Variants in ACLY observed in about 807,000 individuals in gnomAD.
ACLY encodes ATP-citrate synthase.
In ACLY, 41 loss-of-function variants were observed where a neutral mutation model predicts 133.0. The ratio of observed to expected loss-of-function variants is 0.31; its 90% CI spans 0.24 to 0.40. ACLY has a LOEUF of 0.40. ACLY is among the 10% of genes least tolerant of loss of function. The probability of loss-of-function intolerance (pLI) is 1.00; values close to 1 mark genes in which losing one functional copy is unlikely to be tolerated. For missense variants in ACLY, 1,046 were observed against 1,453.8 expected (o/e 0.72, Z 4.56); for synonymous variants, 495 against 549.3 (o/e 0.90, Z 1.38).
At chr17:41,890,146 G>A (rs2049165040) in intron 16 of ACLY, among the ~76,000 whole-genome samples, 2 of 152,202 alleles carry the variant, frequency 1.3e-5, no homozygotes, top group Non-Finnish European at 2.9e-5. Context: ...GAAGAAAGCA[G>A]ATTATATGAG....
chr17:41,919,273 G>A (rs1322859724), upstream of ACLY, among the ~76,000 whole-genome samples: 1 of 151,970 alleles, frequency 6.6e-6, no homozygotes, highest in African/African-American at 2.4e-5. Flanking sequence ...CTGATCGCTT[G>A]AGGGGCTGGA....
rs782561727 is a variant in ACLY, at chr17:41,892,292, A to G, written c.1757T>C (p.Met586Thr). 2.1e-5 allele frequency: 29 copies of G among 1,383,610 alleles called. 2 individuals carry two copies. The South Asian group carries it at 3.4e-4, about 16-fold the overall frequency. The allele number at this position is 1,383,610 out of a possible 1,614,324, so 85.7% of individuals were successfully genotyped here. The part of the protein sequence containing the change: ...RSAYDSTMET[M>T]NYAQIRTIAI... Reference sequence around the variant, plus strand: ...CCAGTGATCTACCTGGGCATAGTTCATGGTCTCCATGGTGCTGTCATAGGC... The same window carrying G: ...CCAGTGATCTACCTGGGCATAGTTCGTGGTCTCCATGGTGCTGTCATAGGC... The change falls in exon 16 of 29, where the codon ATG (methionine) becomes ACG (threonine). Residue 586 changes from methionine (M) to threonine (T), a missense_variant. By Grantham distance (81) the Met-to-Thr change is moderately conservative. Coordinates refer to ENST00000352035, the MANE Select transcript of ACLY (RefSeq NM_001096.3).
intron 14 of ACLY, among the ~76,000 whole-genome samples, chr17:41,894,447 G>GC (rs1254617738): frequency 3.3e-5 from 5 of 150,364 alleles, no homozygotes; most frequent in African/African-American, 1.2e-4. Flanking sequence ...CTCTAGGTGG[G>GC]CATAGTGGTG....
Position 41,901,613 on chromosome 17 carries a change from A to G in ACLY, c.1183+83T>C, listed in dbSNP as rs2049543243. ...GGAGTAGAGAGCAAAAGAGCCTAAG[A>G]CTGATGCTCAGGAATCAGAAATCCC... On this transcript the variant is annotated intron_variant, in intron 11 of 28. Transcript: ENST00000352035. 4.2e-6 allele frequency: 5 copies of G among 1,191,660 alleles called. No homozygotes were observed. In the East Asian group the frequency reaches 1.2e-4, roughly 28 times the overall value. The allele number at this position is 1,191,660 out of a possible 1,614,324, so 73.8% of individuals were successfully genotyped here.
At position 41,909,583 on chromosome 17, in the gene ACLY, C is replaced by T. The variant is rs1334809355; in HGVS notation, c.463G>A (p.Gly155Ser). Residue 155 changes from glycine (G) to serine (S), a missense_variant, in exon 5 of 29, where the codon GGC (glycine) becomes AGC (serine). Coordinates refer to ENST00000352035, the MANE Select transcript of ACLY (RefSeq NM_001096.3). ...VDAKAQKLLV[G>S]VDEKLNPEDI... Reference sequence around the variant, plus strand: ...TCAGGATTCAGTTTCTCATCCACGCCAACAAGCAGCTTCTGGGCCTTGGCG... The same window carrying T: ...TCAGGATTCAGTTTCTCATCCACGCTAACAAGCAGCTTCTGGGCCTTGGCG... 1.2e-6 allele frequency: 2 copies of T among 1,614,072 alleles called. No homozygotes were observed. The highest frequency in any genetic ancestry group is 1.7e-6 in the Non-Finnish European group (2 of 1,180,052).
At chr17:41,921,738 G>C (rs1260410009), upstream of ACLY, among the ~76,000 whole-genome samples, 1 of 151,978 alleles carries the variant, frequency 6.6e-6, no homozygotes, top group East Asian at 1.9e-4. Flanking sequence ...GGTAGGCCAA[G>C]GTGGGAAAAT....
At chr17:41,878,682 G>A (rs1567888285) in intron 21 of ACLY, 115 bp downstream of exon 21, 6 of 1,317,600 alleles carry the variant, frequency 4.6e-6, no homozygotes, top group South Asian at 1.3e-5. Context: ...ATACAGCTGC[G>A]CTAGACACCG....
upstream of ACLY, among the ~76,000 whole-genome samples, chr17:41,923,931 C>T (rs1386391008): frequency 1.3e-5 from 2 of 152,010 alleles, no homozygotes; most frequent in African/African-American, 2.4e-5. Context: ...CTGCCTCAGC[C>T]TCCTGAGTAG....
chr17:41,905,772 C>T (rs538154228), intron 8 of ACLY, 114 bp from the exon 9 acceptor site: 39 of 1,328,228 alleles, frequency 2.9e-5, no homozygotes, highest in African/African-American at 1.4e-4. Context: ...CCTGTGGAAC[C>T]GGCCTCTTGG....
intron 1 of ACLY, among the ~76,000 whole-genome samples, chr17:41,918,507 T>A (rs1555634879): frequency 6.6e-6 from 1 of 152,164 alleles, no homozygotes; most frequent in African/African-American, 2.4e-5. Context: ...GGAACCCGGA[T>A]GGAGCCAAAA....
Position 41,867,746 on chromosome 17 carries a change from G to GTACACTT in ACLY, c.*57_*63dup. ...AAGCAGGCTCCACTGCCAGCTGTCT[G>GTACACTT]TACACTTTTTCTTGGGGGAAGAGAT... is the stretch of plus-strand genomic sequence containing the variant. On this transcript the variant is annotated 3_prime_UTR_variant, in exon 29 of 29. Transcript: ENST00000352035. 2 of 1,361,598 alleles carry GTACACTT rather than the reference G, an allele frequency of 1.5e-6. No individual in the cohort carries two copies. Among genetic ancestry groups the GTACACTT allele is most frequent in the Non-Finnish European group, 2.0e-6 (2 of 976,188 alleles). The allele number at this position is 1,361,598 out of a possible 1,614,324, so 84.3% of individuals were successfully genotyped here.
chr17:41,868,039 T>C, intron 28 of ACLY, 135 bp from the exon 29 acceptor site: 2 of 516,608 alleles, frequency 3.9e-6, no homozygotes, highest in East Asian at 6.5e-5. Flanking sequence ...CCAAATCCAC[T>C]GTATAGGTAG....
chr17:41,890,355 C>A (rs1283035191), intron 16 of ACLY, among the ~76,000 whole-genome samples: 3 of 151,794 alleles, frequency 2.0e-5, no homozygotes, highest in Non-Finnish European at 2.9e-5. Flanking sequence ...TCTTTCTGAG[C>A]CTCCTCTGGC....
At chr17:41,915,029 C>A (rs983551515) in intron 1 of ACLY, among the ~76,000 whole-genome samples, 1 of 152,104 alleles carries the variant, frequency 6.6e-6, no homozygotes, top group Admixed American at 6.6e-5. Flanking sequence ...GGTTATGACC[C>A]AAGACTCGAA....
At chr17:41,910,733 A>C (rs570386216) in intron 3 of ACLY, among the ~76,000 whole-genome samples, 5 of 152,298 alleles carry the variant, frequency 3.3e-5, no homozygotes, top group Admixed American at 2.6e-4. Context: ...GCCAGGGCTT[A>C]ATCAGGGAAA....
chr17:41,881,241 C>G (rs570073390), intron 20 of ACLY, among the ~76,000 whole-genome samples: 1 of 151,984 alleles, frequency 6.6e-6, no homozygotes, highest in Non-Finnish European at 1.5e-5. Flanking sequence ...ACTAGCCTGG[C>G]CAACATGGTG....
At position 41,909,647 on chromosome 17, in the gene ACLY, C is replaced by G. The variant is rs1332606627; in HGVS notation, c.399G>C (p.Leu133=). ...CGTCCACACCCCCCTCGTGGTGGAA[C>G]AGGACGTAGTCCCCTTCTCGGGTGG... is the stretch of plus-strand genomic sequence containing the variant. ...IYATREGDYV[L]FHHEGGVDVG... Residue 133 remains leucine (L), a synonymous_variant, in exon 5 of 29, where the codon CTG becomes CTC. Coordinates refer to ENST00000352035, the MANE Select transcript of ACLY (RefSeq NM_001096.3). 4.3e-6 allele frequency: 7 copies of G among 1,614,076 alleles called. No homozygotes were observed. Among genetic ancestry groups the G allele is most frequent in the Non-Finnish European group, 5.9e-6 (7 of 1,180,036 alleles).
Position 41,909,011 on chromosome 17 carries a change from G to A in ACLY, c.594C>T (p.Thr198=). The A allele has an allele frequency of 6.8e-6, 11 of 1,613,462 alleles. No individual in the cohort carries two copies. The highest frequency in any genetic ancestry group is 9.3e-6 in the Non-Finnish European group (11 of 1,179,886). Residue 198 remains threonine (T), a synonymous_variant, in exon 6 of 29, where the codon ACC becomes ACT. Coordinates refer to ENST00000352035, the MANE Select transcript of ACLY (RefSeq NM_001096.3). ...TACCAAGGGGATTGATCTCGAGGTA[G>A]GTGAAGTACAAGTCCTCGTAGAAAT... is the stretch of plus-strand genomic sequence containing the variant. ...LFNFYEDLYF[T]YLEINPLVVT...
chr17:41,891,361 G>C (rs567594218), intron 16 of ACLY, among the ~76,000 whole-genome samples: 1 of 152,228 alleles, frequency 6.6e-6, no homozygotes, highest in African/African-American at 2.4e-5. Context: ...AGAGGATATA[G>C]TGGGGGTGGG....
Sources: allele counts gnomAD v4.1 joint callset (sites outside exome capture counted in the v4.1 genomes callset), GRCh38; gene constraint gnomAD v4.1.1; transcripts MANE v1.5; gene names NCBI Gene and HGNC (gene_info 2026-07-23, HGNC 2026-07-21).